Variants in KCNAB1 observed in about 807,000 individuals in gnomAD.
KCNAB1 encodes voltage-gated potassium channel subunit beta-1.
KCNAB1 carries 35 observed loss-of-function variants against 64.6 expected under a neutral mutation model. The ratio of observed to expected loss-of-function variants is 0.54; its 90% CI spans 0.41 to 0.72. The LOEUF (loss-of-function observed/expected upper bound fraction) is 0.72, where lower values mean the gene tolerates loss of function less well. KCNAB1 is among the 30% of genes least tolerant of loss of function. KCNAB1 has a pLI of 0.00. For missense variants in KCNAB1, 401 were observed against 512.9 expected (o/e 0.78, Z 2.11); for synonymous variants, 177 against 183.8 (o/e 0.96, Z 0.30).
At chr3:156,527,342 A>T (rs1167279415) in intron 12 of KCNAB1, among the ~76,000 whole-genome samples, 1 of 152,208 alleles carries the variant, frequency 6.6e-6, no homozygotes, top group African/African-American at 2.4e-5. Context: ...TAAAGCAAAA[A>T]GTAGGTGCTC....
chr3:156,198,616 C>CTTTTT (rs59410120), intron 1 of KCNAB1, among the ~76,000 whole-genome samples: 16 of 118,502 alleles, frequency 1.4e-4, no homozygotes, highest in Non-Finnish European at 1.6e-4. Flanking sequence ...GCAAACCCTG[C>CTTTTT]TTTTTTTTTT....
At chr3:156,483,052 A>C (rs1714944408) in intron 8 of KCNAB1, among the ~76,000 whole-genome samples, 1 of 152,124 alleles carries the variant, frequency 6.6e-6, no homozygotes, top group Non-Finnish European at 1.5e-5. Context: ...TTACACTAGA[A>C]TTCACGCAGG....
chr3:156,476,113 G>A (rs1576915495), intron 8 of KCNAB1, among the ~76,000 whole-genome samples: 1 of 152,050 alleles, frequency 6.6e-6, no homozygotes, highest in Non-Finnish European at 1.5e-5. Flanking sequence ...TTTATTGCAA[G>A]GATAATATGA....
chr3:156,174,557 C>A (rs1223360572), intron 1 of KCNAB1, among the ~76,000 whole-genome samples: 1 of 152,192 alleles, frequency 6.6e-6, no homozygotes, highest in African/African-American at 2.4e-5. Context: ...TCCCTGACAC[C>A]CTGACTGTTC....
intron 1 of KCNAB1, among the ~76,000 whole-genome samples, chr3:156,124,770 A>G (rs1318310832): frequency 6.6e-6 from 1 of 152,126 alleles, no homozygotes; most frequent in East Asian, 1.9e-4. Flanking sequence ...ATAGTTCAAC[A>G]AAATGTTGGG....
rs7644887 is a variant in KCNAB1, at chr3:156,203,410, A to G, written c.275+82524A>G. On this transcript the variant is annotated intron_variant, in intron 1 of 13. Coordinates refer to ENST00000490337, the MANE Select transcript of KCNAB1 (RefSeq NM_172160.3). ...AGCATGGGCTCTAGAGTAAGATAGC[A>G]TTGGGTTTAAAACTCAGCTCCAGCC... Among the ~76,000 whole-genome samples, 1,372 of 152,334 alleles carry G rather than the reference A, an allele frequency of 9.0e-3. 32 individuals carry two copies. The highest frequency in any genetic ancestry group is 0.031 in the African/African-American group (1,271 of 41,568).
intron 1 of KCNAB1, among the ~76,000 whole-genome samples, chr3:156,339,577 A>G (rs1395085846): frequency 6.6e-6 from 1 of 152,136 alleles, no homozygotes; most frequent in Admixed American, 6.6e-5. Context: ...TCTGCTCACA[A>G]CTTTGCCTAC....
Position 156,531,407 on chromosome 3 carries a change from A to G in KCNAB1, c.1082-2A>G. On this transcript the variant is annotated splice_acceptor_variant, in intron 12 of 13. Coordinates refer to ENST00000490337, the MANE Select transcript of KCNAB1 (RefSeq NM_172160.3). LOFTEE classifies it high-confidence loss of function. ...AACTGACCCAGTGTCCTCTCCTCCC[A>G]GCGTGGTGCCTGAGAAATGAAGGTG... 1 of 1,611,006 alleles carries G rather than the reference A, an allele frequency of 6.2e-7. No individual in the cohort carries two copies. Among genetic ancestry groups the G allele is most frequent in the Non-Finnish European group, 8.5e-7 (1 of 1,177,098 alleles).
At chr3:156,169,515 C>T (rs1369550615) in intron 1 of KCNAB1, among the ~76,000 whole-genome samples, 1 of 152,188 alleles carries the variant, frequency 6.6e-6, no homozygotes, top group East Asian at 1.9e-4. Context: ...CTTATGGGCT[C>T]TCTGGGTATT....
At chr3:156,176,258 G>C in intron 1 of KCNAB1, 1 of 874,638 alleles carries the variant, frequency 1.1e-6, no homozygotes, top group Non-Finnish European at 2.0e-6. Context: ...TTCTGGCACA[G>C]GTCCCAGACC....
intron 1 of KCNAB1, among the ~76,000 whole-genome samples, chr3:156,219,963 C>T (rs960665276): frequency 4.0e-5 from 6 of 151,644 alleles, no homozygotes; most frequent in South Asian, 2.1e-4. Context: ...TGAGAACATG[C>T]GGTGTTTGCT....
At chr3:156,443,393 T>C (rs560037351) in intron 2 of KCNAB1, among the ~76,000 whole-genome samples, 3 of 152,178 alleles carry the variant, frequency 2.0e-5, no homozygotes, top group African/African-American at 7.2e-5. Context: ...GAATAGAGCA[T>C]AGGGGCTGTG....
At position 156,422,895 on chromosome 3, in the gene KCNAB1, C is replaced by G. The variant is rs565638065; in HGVS notation, c.319+1236C>G. Among the ~76,000 whole-genome samples the G allele has an allele frequency of 2.0e-5, 3 of 151,602 alleles. No individual in the cohort carries two copies. The East Asian group carries it at 5.8e-4, about 29-fold the overall frequency. On this transcript the variant is annotated intron_variant, in intron 2 of 13. Transcript: ENST00000490337. ...GCAACCAGCGCAGCAGGAGAAAAAT[C>G]AGAAAAAAAAATGGAGTCCTGGAAT...
chr3:156,354,165 TA>T lies in KCNAB1; in HGVS notation c.276-67450del, dbSNP rs1383174362. Among the ~76,000 whole-genome samples, 86 of 148,044 alleles carry T rather than the reference TA, an allele frequency of 5.8e-4. 2 individuals are homozygous for T. The East Asian group carries it at 0.014, about 24-fold the overall frequency. Reference sequence around the variant, plus strand: ...ATATGTGTATATATATATATGTATATATTTTTTTTTGGACGGAGATTTCTCT... The same window carrying T: ...ATATGTGTATATATATATATGTATATTTTTTTTTTGGACGGAGATTTCTCT... On this transcript the variant is annotated intron_variant, in intron 1 of 13. Coordinates refer to ENST00000490337, the MANE Select transcript of KCNAB1 (RefSeq NM_172160.3).
chr3:156,366,592 C>A (rs1418778306), intron 1 of KCNAB1, among the ~76,000 whole-genome samples: 2 of 152,162 alleles, frequency 1.3e-5, no homozygotes, highest in Non-Finnish European at 2.9e-5. Flanking sequence ...CACCATGATA[C>A]CCTTTAAGGT....
In KCNAB1 at chr3:156,139,584, G is replaced by GTTTTTTTTTT. The variant is rs386398329; in HGVS notation, c.275+18715_275+18724dup. On this transcript the variant is annotated intron_variant, in intron 1 of 13. Transcript: ENST00000490337. ...TTTCTCCCTAACTCCATTGTACTGT[G>GTTTTTTTTTT]TTTTTTTTTTTTTTTTTTTTTTTTT... 4.7e-4 allele frequency among the ~76,000 whole-genome samples: 26 copies of GTTTTTTTTTT among 55,252 alleles called. 2 individuals are homozygous for GTTTTTTTTTT. The highest frequency in any genetic ancestry group is 8.3e-4 in the South Asian group (1 of 1,202). The allele number at this position is 55,252 out of a possible 152,430, so 36.2% of individuals were successfully genotyped here. A position where few individuals can be genotyped will look rare whatever the true frequency, so the allele number is the denominator to read the frequency against.
chr3:156,302,645 A>G (rs1378017910), intron 1 of KCNAB1, among the ~76,000 whole-genome samples: 1 of 152,224 alleles, frequency 6.6e-6, no homozygotes, highest in East Asian at 1.9e-4. Flanking sequence ...TTAAAGTTTT[A>G]TCTTGGCCTT....
intron 1 of KCNAB1, among the ~76,000 whole-genome samples, chr3:156,246,801 G>C (rs1015149254): frequency 6.6e-6 from 1 of 152,156 alleles, no homozygotes; most frequent in African/African-American, 2.4e-5. Flanking sequence ...TTCATCTGCT[G>C]TATTTGATCA....
intron 1 of KCNAB1, among the ~76,000 whole-genome samples, chr3:156,330,502 C>G (rs937982890): frequency 5.9e-5 from 9 of 152,254 alleles, no homozygotes; most frequent in Admixed American, 5.9e-4. Flanking sequence ...TCTGTTGCCC[C>G]CAGTGCTAGG....
Sources: allele counts gnomAD v4.1 joint callset (sites outside exome capture counted in the v4.1 genomes callset), GRCh38; gene constraint gnomAD v4.1.1; transcripts MANE v1.5; gene names NCBI Gene and HGNC (gene_info 2026-07-23, HGNC 2026-07-21).